Variants in POLD3 observed in about 807,000 individuals in gnomAD.
POLD3 encodes the protein DNA polymerase delta 3, accessory subunit.
A neutral mutation model predicts 58.2 loss-of-function variants in POLD3; 19 were observed. The ratio of observed to expected loss-of-function variants is 0.33; its 90% confidence interval spans 0.23 to 0.48. POLD3 has a LOEUF of 0.48. Among genes scored for constraint, POLD3 ranks in the 20% least tolerant of loss-of-function variants. POLD3 has a pLI of 0.99. For synonymous variants in POLD3, 172 were observed against 193.5 expected, an observed-to-expected ratio of 0.89 and a Z score of 0.92; for missense variants, 504 against 545.5, an observed-to-expected ratio of 0.92 and a Z score of 0.76.
intron 3 of POLD3, among the ~76,000 whole-genome samples, chr11:74,607,534 A>G (rs1307491971): frequency 2.0e-5 from 3 of 151,558 alleles, no homozygotes; most frequent in Non-Finnish European, 2.9e-5. Flanking sequence ...CCAAAGTGCT[A>G]GGATTACAGG....
At chr11:74,607,236 A>G (rs2031709484) in intron 3 of POLD3, among the ~76,000 whole-genome samples, 1 of 94,280 alleles carries the variant, frequency 1.1e-5, no homozygotes, top group Non-Finnish European at 1.8e-5. Flanking sequence ...ATTTATTATT[A>G]TTATTATATA....
chr11:74,644,400 T>G (rs563712436), downstream of POLD3, among the ~76,000 whole-genome samples: 1 of 152,246 alleles, frequency 6.6e-6, no homozygotes, highest in Non-Finnish European at 1.5e-5. Flanking sequence ...AAGGCAGTAT[T>G]GCTTTCTGAG....
intron 11 of POLD3, 81 bp downstream of exon 11, chr11:74,636,356 T>C: frequency 7.3e-7 from 1 of 1,376,022 alleles, no homozygotes; most frequent in South Asian, 1.2e-5. Context: ...TTAGAACAGG[T>C]ACATCTCAAA....
In POLD3 at chr11:74,641,040, A is replaced by G; in HGVS notation, c.*274A>G. ...AGGATTTACTCCAAAATTATACTGG[A>G]ACAGTTTTCAGAATTCTCACTGAAG... On this transcript the variant is annotated 3_prime_UTR_variant, in exon 12 of 12. Coordinates refer to ENST00000263681, the MANE Select transcript of POLD3 (RefSeq NM_006591.3). 3 of 1,087,858 alleles carry G rather than the reference A, an allele frequency of 2.8e-6. No homozygotes were observed. The highest frequency in any genetic ancestry group is 3.3e-6 in the Non-Finnish European group (3 of 897,044). 67.4% of individuals were successfully genotyped at this position (1,087,858 alleles called of 1,614,324 possible).
chr11:74,655,781 G>T (rs186415125), intron 4 of POLD3, among the ~76,000 whole-genome samples: 321 of 152,240 alleles, frequency 2.1e-3, no homozygotes, highest in Non-Finnish European at 3.5e-3. Context: ...ATATTGAAAC[G>T]TTCTAAGTTT....
At chr11:74,629,893 A>G (rs536508326) in intron 9 of POLD3, among the ~76,000 whole-genome samples, 1 of 152,314 alleles carries the variant, frequency 6.6e-6, no homozygotes, top group African/African-American at 2.4e-5. Flanking sequence ...TCTTGCCCCA[A>G]ATTGTATAAA....
intron 3 of POLD3, among the ~76,000 whole-genome samples, chr11:74,609,373 T>TATATATATATATATA (rs1491467177): frequency 1.0e-3 from 16 of 15,976 alleles, no homozygotes; most frequent in South Asian, 4.6e-3. Flanking sequence ...TATATATATA[T>TATATATATATATATA]TTTTTTTTTT....
chr11:74,600,123 GT>G (rs1670808740), intron 2 of POLD3, among the ~76,000 whole-genome samples: 1 of 150,982 alleles, frequency 6.6e-6, no homozygotes, highest in Non-Finnish European at 1.5e-5. Context: ...CTTCTTGTAT[GT>G]TTAGTAGAGA....
At chr11:74,615,021 C>T (rs1391844413) in intron 5 of POLD3, among the ~76,000 whole-genome samples, 1 of 152,046 alleles carries the variant, frequency 6.6e-6, no homozygotes, top group African/African-American at 2.4e-5. Context: ...ATTTTGAAAT[C>T]AGAATAGTAA....
At chr11:74,668,813 T>C in exon 5 of POLD3, 1 of 1,287,144 alleles carries the variant, frequency 7.8e-7, no homozygotes, top group South Asian at 1.2e-5. Flanking sequence ...CTAGACATTT[T>C]GGAGCATTAC....
chr11:74,667,559 ATTTTACTGC>A (rs1236065302), intron 4 of POLD3, among the ~76,000 whole-genome samples: 54 of 151,796 alleles, frequency 3.6e-4, no homozygotes, highest in African/African-American at 7.8e-4. Flanking sequence ...TGTCATGAAT[ATTTTACTGC>A]AATTTAAAAA....
At chr11:74,658,412 C>A (rs950753600) in intron 4 of POLD3, among the ~76,000 whole-genome samples, 5 of 152,154 alleles carry the variant, frequency 3.3e-5, no homozygotes, top group Admixed American at 2.0e-4. Context: ...CTCCTGGCCC[C>A]TCCAAATCTC....
intron 7 of POLD3, among the ~76,000 whole-genome samples, chr11:74,620,924 CTT>C (rs11307602): frequency 0.13 from 18,653 of 143,570 alleles, 1,461 homozygotes; most frequent in African/African-American, 0.23. Context: ...ATTGAAGTGA[CTT>C]TTTTTTTTTT....
At chr11:74,625,728 C>T (rs553548158) in intron 8 of POLD3, among the ~76,000 whole-genome samples, 155 bp downstream of exon 8, 72 of 152,172 alleles carry the variant, frequency 4.7e-4, no homozygotes, top group African/African-American at 1.6e-3. Flanking sequence ...AAGAGAAGCC[C>T]AGTAGCTTAT....
rs368706461 is a variant in POLD3, at chr11:74,634,566, C to T, written c.1007-17C>T. On this transcript the variant is annotated splice_polypyrimidine_tract_variant and intron_variant, in intron 9 of 11. Transcript: ENST00000263681. The stretch of plus-strand genomic sequence containing the variant: ...GTGCTTGTAGTTCTCTGATCTAAGT[C>T]CGTTTCATTATTTCAGTCTTTCCAG... The T allele has an allele frequency of 4.7e-5, 63 of 1,336,156 alleles. No individual in the cohort carries two copies. The highest frequency in any genetic ancestry group is 3.6e-4 in the Middle Eastern group (2 of 5,548). 82.8% of individuals were successfully genotyped at this position (1,336,156 alleles called of 1,614,324 possible). A position where few individuals can be genotyped will look rare whatever the true frequency, so the allele number is the denominator to read the frequency against.
At chr11:74,637,375 A>G (rs1360063575) in intron 11 of POLD3, among the ~76,000 whole-genome samples, 2 of 149,912 alleles carry the variant, frequency 1.3e-5, no homozygotes, top group Non-Finnish European at 3.0e-5. Flanking sequence ...TTCAGTGCCA[A>G]ATTTCTTGTG....
chr11:74,645,012 T>C (rs1404351759), downstream of POLD3, among the ~76,000 whole-genome samples: 1 of 152,202 alleles, frequency 6.6e-6, no homozygotes, highest in Non-Finnish European at 1.5e-5. Context: ...ATAAAATACT[T>C]TGGGGATTGT....
At chr11:74,595,189 T>TTTG (rs1460309901) in intron 2 of POLD3, 7 of 138,128 alleles carry the variant, frequency 5.1e-5, no homozygotes, top group African/African-American at 2.0e-4. Context: ...TTTTTTTTTT[T>TTTG]GAGATGGGGT....
rs747098324 is a variant in POLD3, at chr11:74,594,015, CTG to C, written c.61-45_61-44del. 3.0e-6 allele frequency: 3 copies of C among 995,640 alleles called. No homozygotes were observed. In the South Asian group the frequency reaches 3.9e-5, roughly 13 times the overall value. 61.7% of individuals were successfully genotyped at this position (995,640 alleles called of 1,614,324 possible). ...CAGACCTTCGGGACTGATGTGCACTCTGGAGTCATCTAATAAAACATTTGAAA... is the reference window on the plus strand; with the variant it reads ...CAGACCTTCGGGACTGATGTGCACTCGAGTCATCTAATAAAACATTTGAAA... On this transcript the variant is annotated intron_variant, in intron 1 of 11. Transcript: ENST00000263681.
Sources: allele counts gnomAD v4.1 joint callset (sites outside exome capture counted in the v4.1 genomes callset), GRCh38; gene constraint gnomAD v4.1.1; transcripts MANE v1.5; gene names NCBI Gene and HGNC (gene_info 2026-07-23, HGNC 2026-07-21).